Variants in TMTC2 observed in about 807,000 individuals in gnomAD.
TMTC2 encodes transmembrane O-mannosyltransferase targeting cadherins 2.
A neutral mutation model predicts 82.4 loss-of-function variants in TMTC2; 43 were observed. The ratio of observed to expected loss-of-function variants is 0.52; its 90% CI spans 0.41 to 0.67. The LOEUF is 0.67. TMTC2 is among the 30% of genes least tolerant of loss of function. TMTC2 has a pLI of 0.00. For synonymous variants in TMTC2, 408 were observed against 381.9 expected (o/e 1.07, Z -0.80); for missense variants, 919 against 1,012.4 (o/e 0.91, Z 1.25).
intron 1 of TMTC2, among the ~76,000 whole-genome samples, chr12:82,704,889 G>A (rs1009542888): frequency 3.3e-5 from 5 of 152,178 alleles, no homozygotes; most frequent in South Asian, 2.1e-4. Context: ...ACTTGCACAC[G>A]CATGTTTATA....
intron 2 of TMTC2, among the ~76,000 whole-genome samples, chr12:82,863,887 C>T (rs564035391): frequency 2.4e-4 from 37 of 152,212 alleles, no homozygotes; most frequent in African/African-American, 8.9e-4. Context: ...AATTGAAATT[C>T]AAGCTGGGAA....
At position 82,867,937 on chromosome 12, in the gene TMTC2, A is replaced by G. The variant is rs573962883; in HGVS notation, c.654+10357A>G. ...TTCACGCAGAGATGCTTATAAGTCT[A>G]TCGGGGAAAGGCCATTGGACTGGTG... On this transcript the variant is annotated intron_variant, in intron 2 of 11. Coordinates refer to ENST00000321196, the MANE Select transcript of TMTC2 (RefSeq NM_152588.3). Among the ~76,000 whole-genome samples, 42 of 152,320 alleles carry G rather than the reference A, an allele frequency of 2.8e-4. No individual in the cohort carries two copies. The East Asian group carries it at 7.3e-3, about 27-fold the overall frequency.
chr12:82,711,350 G>T (rs369865173), intron 1 of TMTC2, among the ~76,000 whole-genome samples: 15 of 151,892 alleles, frequency 9.9e-5, no homozygotes, highest in African/African-American at 3.4e-4. Flanking sequence ...TACATTCAGG[G>T]GTCTTAGTAC....
chr12:82,916,714 C>CT (rs1875022097), intron 3 of TMTC2, among the ~76,000 whole-genome samples: 2 of 151,006 alleles, frequency 1.3e-5, no homozygotes, highest in South Asian at 4.2e-4. Context: ...GCTGTCTAGA[C>CT]TAACAGTGTT....
chr12:83,131,484 A>T (rs1008672852), intron 11 of TMTC2, among the ~76,000 whole-genome samples: 2 of 152,186 alleles, frequency 1.3e-5, no homozygotes, highest in African/African-American at 4.8e-5. Flanking sequence ...AGAATTACTT[A>T]ACTACTTTTT....
chr12:83,110,906 C>A (rs1592499194), intron 11 of TMTC2, among the ~76,000 whole-genome samples: 1 of 152,230 alleles, frequency 6.6e-6, no homozygotes, highest in African/African-American at 2.4e-5. Flanking sequence ...AATCCAAACT[C>A]ATCTGCCCAA....
At chr12:83,023,570 A>G (rs1881031600) in intron 8 of TMTC2, among the ~76,000 whole-genome samples, 1 of 152,216 alleles carries the variant, frequency 6.6e-6, no homozygotes. Context: ...ATCTGATCTG[A>G]GCTGACACCA....
intron 8 of TMTC2, among the ~76,000 whole-genome samples, chr12:83,024,288 C>G (rs1881067712): frequency 6.6e-6 from 1 of 151,976 alleles, no homozygotes; most frequent in African/African-American, 2.4e-5. Context: ...AAATAATGTT[C>G]CTTTTATTTG....
intron 4 of TMTC2, among the ~76,000 whole-genome samples, chr12:82,933,884 T>A (rs566682248): frequency 2.1e-4 from 32 of 152,290 alleles, no homozygotes; most frequent in Admixed American, 5.9e-4. Context: ...TTAAGGAACA[T>A]TACCTTATAA....
chr12:82,881,351 C>A (rs553440854), intron 2 of TMTC2, among the ~76,000 whole-genome samples: 1 of 152,058 alleles, frequency 6.6e-6, no homozygotes, highest in African/African-American at 2.4e-5. Context: ...ATTAACTTTC[C>A]GACATCGTAA....
chr12:83,074,909 A>G (rs1215197074), intron 11 of TMTC2, among the ~76,000 whole-genome samples: 1 of 152,114 alleles, frequency 6.6e-6, no homozygotes, highest in African/African-American at 2.4e-5. Context: ...TGCCCCATTC[A>G]GGTAGTTACA....
chr12:82,869,677 A>G (rs1197986349), intron 2 of TMTC2, among the ~76,000 whole-genome samples: 1 of 151,878 alleles, frequency 6.6e-6, no homozygotes, highest in African/African-American at 2.4e-5. Context: ...CATCTTTACA[A>G]TAAATACAAA....
chr12:83,020,509 A>G (rs969519529), intron 8 of TMTC2, among the ~76,000 whole-genome samples: 5 of 152,178 alleles, frequency 3.3e-5, no homozygotes, highest in African/African-American at 9.7e-5. Context: ...TTTATTGTAA[A>G]TTTAATTCAA....
chr12:82,967,449 C>T (rs546120437), intron 7 of TMTC2, among the ~76,000 whole-genome samples: 3 of 152,048 alleles, frequency 2.0e-5, no homozygotes, highest in Non-Finnish European at 2.9e-5. Flanking sequence ...TATGCTACAA[C>T]AATTATTCTA....
chr12:82,916,742 C>T (rs1489586402), intron 3 of TMTC2, among the ~76,000 whole-genome samples: 2 of 15,140 alleles, frequency 1.3e-4, no homozygotes, highest in Non-Finnish European at 1.9e-4. Context: ...TATTGAAGTA[C>T]TAAATTTTAT....
intron 8 of TMTC2, among the ~76,000 whole-genome samples, chr12:83,008,537 T>G (rs1212687517): frequency 6.6e-6 from 1 of 152,236 alleles, no homozygotes; most frequent in Non-Finnish European, 1.5e-5. Context: ...GCATGTTGTT[T>G]ACTTTTTCCA....
At chr12:82,957,664 G>A (rs1233866333) in intron 4 of TMTC2, among the ~76,000 whole-genome samples, 1 of 151,846 alleles carries the variant, frequency 6.6e-6, no homozygotes, top group African/African-American at 2.4e-5. Context: ...GACGATATTA[G>A]GTTGGTGCAG....
chr12:82,935,614 C>A (rs1179918223), intron 4 of TMTC2, among the ~76,000 whole-genome samples: 1 of 152,028 alleles, frequency 6.6e-6, no homozygotes, highest in Non-Finnish European at 1.5e-5. Flanking sequence ...GAGTCAATGT[C>A]CTTTTGTTGT....
intron 7 of TMTC2, among the ~76,000 whole-genome samples, chr12:82,983,754 G>A (rs1199252221): frequency 6.6e-6 from 1 of 151,976 alleles, no homozygotes; most frequent in East Asian, 1.9e-4. Flanking sequence ...TATGGGACCT[G>A]TAATTTAGGC....
Sources: allele counts gnomAD v4.1 joint callset (sites outside exome capture counted in the v4.1 genomes callset), GRCh38; gene constraint gnomAD v4.1.1; transcripts MANE v1.5; gene names NCBI Gene and HGNC (gene_info 2026-07-23, HGNC 2026-07-21).